TNFRSF10A: variants seen among roughly 807,000 people sequenced by gnomAD.
TNFRSF10A encodes the protein tumor necrosis factor receptor superfamily member 10A.
A neutral mutation model predicts 42.8 loss-of-function variants in TNFRSF10A; 44 were observed. That is an observed-to-expected ratio of 1.03 (90% CI 0.81 to 1.32). The LOEUF is 1.32. Ranked by LOEUF, TNFRSF10A falls within the 40% of genes most tolerant of loss-of-function variation. The pLI is 0.00. For missense variants in TNFRSF10A, 680 were observed against 602.0 expected (o/e 1.13, Z -1.36); for synonymous variants, 259 against 234.2 (o/e 1.11, Z -0.97).
intron 1 of TNFRSF10A, among the ~76,000 whole-genome samples, chr8:23,221,174 C>G (rs1004203784): frequency 6.6e-6 from 1 of 152,190 alleles, no homozygotes; most frequent in Admixed American, 6.5e-5. Context: ...GATCCAGAGT[C>G]CTGAGTGACT....
rs1016767048 is a variant in TNFRSF10A at position 23,225,072 on chromosome 8, C to G, written c.-11G>C. 6.6e-6 allele frequency: 10 copies of G among 1,506,366 alleles called. No individual in the cohort carries two copies. The African/African-American group carries it at 1.4e-4, about 21-fold the overall frequency. 93.3% of individuals were successfully genotyped at this position (1,506,366 alleles called of 1,614,324 possible). On this transcript the variant is annotated 5_prime_UTR_variant, in exon 1 of 10. Transcript: ENST00000221132. ...TGGTGGTGGCGCCATCCTGCCAGGT[C>G]AATCCAAGAAGCAGCGTGCTTGGCT...
intron 7 of TNFRSF10A, 104 bp downstream of exon 7, chr8:23,199,780 CAG>C (rs1229607143): frequency 6.7e-7 from 1 of 1,494,658 alleles, no homozygotes; most frequent in African/African-American, 1.4e-5. Context: ...TTCAGAGACT[CAG>C]GGCAGCCATG....
At chr8:23,210,935 A>G (rs960499831) in intron 2 of TNFRSF10A, among the ~76,000 whole-genome samples, 4 of 152,234 alleles carry the variant, frequency 2.6e-5, no homozygotes, top group African/African-American at 9.6e-5. Context: ...CCTGATAAAG[A>G]ATATCTACAA....
At chr8:23,192,352 G>A (rs1013516458) in intron 9 of TNFRSF10A, among the ~76,000 whole-genome samples, 2 of 152,230 alleles carry the variant, frequency 1.3e-5, no homozygotes, top group Admixed American at 1.3e-4. Flanking sequence ...TGGCTGCAGC[G>A]GGAGCTCAGA....
Position 23,225,034 on chromosome 8 carries a change from G to A in TNFRSF10A, c.28C>T (p.Leu10=). The A allele has an allele frequency of 6.4e-7, 1 of 1,561,036 alleles. No individual in the cohort carries two copies. The highest frequency in any genetic ancestry group is 2.3e-5 in the East Asian group (1 of 43,976). The change falls in exon 1 of 10, where the codon CTA becomes TTA. Residue 10 remains leucine, a synonymous_variant. Transcript: ENST00000221132. ...GGAGTCACTGCCAGGAACGCACCTA[G>A]ATGTACTCTAGCTGGTGGTGGCGCC... MAPPPARVH[L]GAFLAVTPNP... is the part of the protein sequence containing the mutation.
At chr8:23,224,124 C>T (rs929881958) in intron 1 of TNFRSF10A, among the ~76,000 whole-genome samples, 1 of 151,810 alleles carries the variant, frequency 6.6e-6, no homozygotes, top group Non-Finnish European at 1.5e-5. Context: ...CACAGTGAAA[C>T]CCCGTGACTA....
intron 1 of TNFRSF10A, among the ~76,000 whole-genome samples, chr8:23,223,800 A>G (rs1031168421): frequency 6.6e-6 from 1 of 152,208 alleles, no homozygotes; most frequent in African/African-American, 2.4e-5. Flanking sequence ...TTCCAGACTG[A>G]GTGATTGCTT....
chr8:23,198,893 T>TA (rs1440774236), intron 8 of TNFRSF10A, among the ~76,000 whole-genome samples: 1 of 152,256 alleles, frequency 6.6e-6, no homozygotes, highest in Non-Finnish European at 1.5e-5. Context: ...TAGATCCAAA[T>TA]ATGTTTAATG....
At chr8:23,202,139 T>C (rs1018950217) in intron 3 of TNFRSF10A, among the ~76,000 whole-genome samples, 1 of 152,210 alleles carries the variant, frequency 6.6e-6, no homozygotes, top group Non-Finnish European at 1.5e-5. Context: ...TGATTCATTA[T>C]TTATTACATC....
intron 4 of TNFRSF10A, 34 bp from the exon 5 acceptor site, chr8:23,200,794 T>C (rs199803320): frequency 5.7e-6 from 9 of 1,589,178 alleles, no homozygotes; most frequent in South Asian, 1.1e-5. Context: ...GGGGGGACTC[T>C]TGATGGAAAG....
At chr8:23,203,539 C>A (rs1440901854) in intron 2 of TNFRSF10A, among the ~76,000 whole-genome samples, 3 of 152,222 alleles carry the variant, frequency 2.0e-5, no homozygotes, top group Non-Finnish European at 4.4e-5. Context: ...GGAGGCTCGA[C>A]CTTCACCTCC....
At chr8:23,215,538 A>G (rs1376638699) in intron 1 of TNFRSF10A, among the ~76,000 whole-genome samples, 1 of 152,168 alleles carries the variant, frequency 6.6e-6, no homozygotes, top group African/African-American at 2.4e-5. Flanking sequence ...AAATAAATAA[A>G]TAAATAAACA....
chr8:23,218,838 A>G lies in TNFRSF10A; in HGVS notation c.306+5918T>C, dbSNP rs372819208. On this transcript the variant is annotated intron_variant, in intron 1 of 9. Coordinates refer to ENST00000221132, the MANE Select transcript of TNFRSF10A (RefSeq NM_003844.4). Reference sequence around the variant, plus strand: ...ATGCTGTTTGTCTAAAACAAAGACAATGAGGGTTCCTGTACAGTCTGGTTG... The same window carrying G: ...ATGCTGTTTGTCTAAAACAAAGACAGTGAGGGTTCCTGTACAGTCTGGTTG... Among the ~76,000 whole-genome samples the G allele has an allele frequency of 3.9e-4, 60 of 152,344 alleles. 1 individual carries two copies. The highest frequency in any genetic ancestry group is 3.5e-3 in the South Asian group (17 of 4,828).
intron 7 of TNFRSF10A, 85 bp from the exon 8 acceptor site, chr8:23,199,533 C>G: frequency 6.7e-7 from 1 of 1,495,074 alleles, no homozygotes; most frequent in South Asian, 1.2e-5. Context: ...CTGCTGCCAC[C>G]ACCCCCTCCC....
chr8:23,198,276 G>T lies in TNFRSF10A; in HGVS notation c.1014+990C>A, dbSNP rs1314346162. Among the ~76,000 whole-genome samples the T allele has an allele frequency of 5.3e-5, 8 of 152,264 alleles. No homozygotes were observed. The East Asian group carries it at 1.5e-3, about 29-fold the overall frequency. On this transcript the variant is annotated intron_variant, in intron 8 of 9. Transcript: ENST00000221132. ...AAACAAGTTCCATTTAGATTATAAA[G>T]TTATATGCAAAAATCACATCATTGA... is the stretch of plus-strand genomic sequence containing the variant.
rs903574852 is a variant in TNFRSF10A, at chr8:23,192,643, G to C, written c.1088-630C>G. Among the ~76,000 whole-genome samples, 8 of 152,336 alleles carry C rather than the reference G, an allele frequency of 5.3e-5. 1 individual carries two copies. The highest frequency in any genetic ancestry group is 1.9e-4 in the African/African-American group (8 of 41,574). Reference sequence around the variant, plus strand: ...GGATAGAAGGGGCCAGGAGTACCAAGCTATGTTTTCTAACAGCCTCATTTA... The same window carrying C: ...GGATAGAAGGGGCCAGGAGTACCAACCTATGTTTTCTAACAGCCTCATTTA... On this transcript the variant is annotated intron_variant, in intron 9 of 9. Coordinates refer to ENST00000221132, the MANE Select transcript of TNFRSF10A (RefSeq NM_003844.4).
At chr8:23,204,040 G>C (rs576430579) in intron 2 of TNFRSF10A, among the ~76,000 whole-genome samples, 1 of 152,276 alleles carries the variant, frequency 6.6e-6, no homozygotes, top group East Asian at 1.9e-4. Flanking sequence ...GCCTCCCAAA[G>C]TGCTGGGATT....
chr8:23,197,649 A>G (rs907969536), intron 8 of TNFRSF10A, among the ~76,000 whole-genome samples: 2 of 152,220 alleles, frequency 1.3e-5, no homozygotes, highest in Non-Finnish European at 2.9e-5. Flanking sequence ...AAGAATAGAA[A>G]TAAAGTACAC....
intron 2 of TNFRSF10A, among the ~76,000 whole-genome samples, chr8:23,211,297 C>T (rs1183263750): frequency 6.6e-6 from 1 of 152,096 alleles, no homozygotes; most frequent in Non-Finnish European, 1.5e-5. Flanking sequence ...AAGGTTTTAT[C>T]CACAATAGCA....
Sources: allele counts gnomAD v4.1 joint callset (sites outside exome capture counted in the v4.1 genomes callset), GRCh38; gene constraint gnomAD v4.1.1; transcripts MANE v1.5; gene names NCBI Gene and HGNC (gene_info 2026-07-23, HGNC 2026-07-21).